Variants in PCDHGA3 observed in about 807,000 individuals in gnomAD.
The protein encoded by PCDHGA3 is protocadherin gamma-A3.
PCDHGA3 carries 40 observed loss-of-function variants against 58.5 expected under a neutral mutation model. The observed-to-expected ratio is 0.68, with a 90% CI of 0.53 to 0.89. PCDHGA3 has a LOEUF of 0.89. Ranked by LOEUF, PCDHGA3 falls within the 40% of genes least tolerant of loss-of-function variation. PCDHGA3 has a pLI of 0.00. For missense variants in PCDHGA3, 1,223 were observed against 1,195.9 expected (o/e 1.02, Z -0.33); for synonymous variants, 530 against 525.7 (o/e 1.01, Z -0.11).
Position 141,510,363 on chromosome 5 carries a change from G to A in PCDHGA3, c.2573-584G>A, listed in dbSNP as rs973832487. Among the ~76,000 whole-genome samples the A allele has an allele frequency of 7.8e-5, 11 of 141,564 alleles. No individual in the cohort carries two copies. In the East Asian group the frequency reaches 1.6e-3, roughly 21 times the overall value. 92.9% of individuals were successfully genotyped at this position (141,564 alleles called of 152,430 possible). The stretch of plus-strand genomic sequence containing the variant: ...CCACACACTTACTAACGGAACTACC[G>A]AATCTCTACTCGTGCCAGGCCTTGC... On this transcript the variant is annotated intron_variant, in intron 3 of 3. Coordinates refer to ENST00000253812, the MANE Select transcript of PCDHGA3 (RefSeq NM_018916.4).
chr5:141,509,645 G>C (rs138497208), intron 3 of PCDHGA3, among the ~76,000 whole-genome samples: 8 of 152,338 alleles, frequency 5.3e-5, no homozygotes, highest in African/African-American at 1.9e-4. Context: ...GCCAGGGCCA[G>C]AGTGTGGACT....
chr5:141,378,973 A>G (rs1775276722), intron 1 of PCDHGA3: 1 of 152,222 alleles, frequency 6.6e-6, no homozygotes, highest in South Asian at 2.1e-4. Context: ...TAATTTGATG[A>G]CTTGTTGAAC....
At position 141,487,063 on chromosome 5, in the gene PCDHGA3, G is replaced by A. The variant is rs754361361; in HGVS notation, c.2425-7744G>A. 39 of 1,614,086 alleles carry A rather than the reference G, an allele frequency of 2.4e-5. No individual in the cohort carries two copies. In the South Asian group the frequency reaches 3.7e-4, roughly 15 times the overall value. The stretch of plus-strand genomic sequence containing the variant: ...CTCGATATGCTGGGGAGGTGCGGAC[G>A]GCTGTTCCTATCCCAGCTGACCTCC... On this transcript the variant is annotated intron_variant, in intron 1 of 3. Transcript: ENST00000253812. The surrounding 1 kb of genome is among the most constrained non-coding windows in gnomAD (Gnocchi z 5.0).
At chr5:141,370,460 C>G (rs373931690) in intron 1 of PCDHGA3, 43 of 1,612,562 alleles carry the variant, frequency 2.7e-5, no homozygotes, top group East Asian at 4.5e-5. Flanking sequence ...TCTTCCTGCT[C>G]TCTTTGTTAG....
chr5:141,442,774 AT>A (rs2098342677), intron 1 of PCDHGA3, among the ~76,000 whole-genome samples: 1 of 152,188 alleles, frequency 6.6e-6, no homozygotes, highest in Non-Finnish European at 1.5e-5. Flanking sequence ...TATGTGTTTG[AT>A]TATATTTTAT....
intron 1 of PCDHGA3, among the ~76,000 whole-genome samples, chr5:141,479,789 T>C (rs888217885): frequency 3.3e-5 from 5 of 152,196 alleles, no homozygotes; most frequent in Non-Finnish European, 2.9e-5. Flanking sequence ...AAAGCATTCA[T>C]TAATTCAGGG....
chr5:141,505,210 A>G (rs899138393), intron 2 of PCDHGA3, among the ~76,000 whole-genome samples, 183 bp from the exon 3 acceptor site: 3 of 152,192 alleles, frequency 2.0e-5, no homozygotes, highest in African/African-American at 7.2e-5. Flanking sequence ...GGTTTGAGGG[A>G]CTGACTTGTG....
chr5:141,361,139 T>C (rs1305491971), intron 1 of PCDHGA3: 10 of 1,613,760 alleles, frequency 6.2e-6, no homozygotes, highest in Admixed American at 1.7e-5. Flanking sequence ...AGTATCCAAG[T>C]TGAAATTCTT....
chr5:141,400,452 A>C, intron 1 of PCDHGA3: 3 of 1,614,038 alleles, frequency 1.9e-6, no homozygotes, highest in Non-Finnish European at 2.5e-6. Context: ...GACAAGACAT[A>C]CTTTGTGGTG....
At chr5:141,509,216 T>C (rs2099875781) in intron 3 of PCDHGA3, among the ~76,000 whole-genome samples, 1 of 152,124 alleles carries the variant, frequency 6.6e-6, no homozygotes, top group South Asian at 2.1e-4. Flanking sequence ...TATTTCTCAA[T>C]CCCTGGTTGA....
At position 141,410,196 on chromosome 5, in the gene PCDHGA3, C is replaced by A. The variant is rs773310778; in HGVS notation, c.2424+63739C>A. 7.4e-6 allele frequency: 12 copies of A among 1,613,866 alleles called. No individual in the cohort carries two copies. In the South Asian group the frequency reaches 1.2e-4, roughly 16 times the overall value. On this transcript the variant is annotated intron_variant, in intron 1 of 3. Transcript: ENST00000253812. ...ACCGCCACGCTTCATCTGGTCTTCG[C>A]AGACAACTTGCAAGAGATACTGCCA... is the stretch of plus-strand genomic sequence containing the variant.
rs1757435372 is a variant in PCDHGA3, at chr5:141,344,558, T to A, written c.525T>A (p.Asn175Lys). Residue 175 changes from asparagine to lysine, a missense_variant, in exon 1 of 4, where the codon AAT becomes AAA. Asn to Lys is a moderately conservative substitution (Grantham distance 94). Transcript: ENST00000253812. ...TGCAGAACTACAAGCTTAGCCCCAA[T>A]GACTACTTCTCTCTGGCTGTGAATA... ...NSLQNYKLSP[N>K]DYFSLAVNSV... The A allele has an allele frequency of 6.2e-7, 1 of 1,614,022 alleles. No homozygotes were observed. Among genetic ancestry groups the A allele is most frequent in the East Asian group, 2.2e-5 (1 of 44,884 alleles).
intron 1 of PCDHGA3, chr5:141,379,314 G>T (rs557036464): frequency 6.6e-6 from 1 of 152,242 alleles, no homozygotes; most frequent in South Asian, 2.1e-4. Context: ...CTAAACAAGA[G>T]ATCTAATCAT....
chr5:141,446,482 CTT>C (rs112180482), intron 1 of PCDHGA3, among the ~76,000 whole-genome samples: 6 of 147,048 alleles, frequency 4.1e-5, no homozygotes, highest in East Asian at 4.0e-4. Context: ...GGTCATCATT[CTT>C]TTTTTTTTTT....
At chr5:141,449,737 A>T (rs1174103155) in intron 1 of PCDHGA3, among the ~76,000 whole-genome samples, 3 of 151,666 alleles carry the variant, frequency 2.0e-5, no homozygotes, top group Non-Finnish European at 4.4e-5. Flanking sequence ...TTTTTATGAC[A>T]TGATTATTTT....
At chr5:141,423,183 G>GCCCCCTCTCTCGGCCAC (rs760086052) in intron 1 of PCDHGA3, 8 of 1,613,570 alleles carry the variant, frequency 5.0e-6, no homozygotes, top group Non-Finnish European at 6.8e-6. Context: ...ACCACGGCCA[G>GCCCCCTCTCTCGGCCAC]CCCCCTCTCT....
intron 1 of PCDHGA3, chr5:141,427,328 T>G (rs951396612): frequency 1.6e-4 from 74 of 457,122 alleles, no homozygotes; most frequent in Admixed American, 1.2e-3. Context: ...TGGTTTTTAC[T>G]TCAGTGTCCA....
chr5:141,413,737 A>AC, intron 1 of PCDHGA3: 1 of 1,613,410 alleles, frequency 6.2e-7, no homozygotes, highest in Non-Finnish European at 8.5e-7. Flanking sequence ...AAGAGTTCAG[A>AC]GCCGTGCCAA....
chr5:141,376,214 C>T, intron 1 of PCDHGA3: 1 of 1,614,204 alleles, frequency 6.2e-7, no homozygotes, highest in Non-Finnish European at 8.5e-7. Flanking sequence ...CGTCATCGTG[C>T]TGCTGGCGCT....
Sources: allele counts gnomAD v4.1 joint callset (sites outside exome capture counted in the v4.1 genomes callset), GRCh38; gene constraint gnomAD v4.1.1; non-coding constraint Gnocchi (gnomAD v3.1); transcripts MANE v1.5; gene names NCBI Gene and HGNC (gene_info 2026-07-23, HGNC 2026-07-21).